Variants in PRKDC observed in about 807,000 individuals in gnomAD.
The protein encoded by PRKDC is protein kinase, DNA-activated, catalytic subunit.
A neutral mutation model predicts 486.9 loss-of-function variants in PRKDC; 82 were observed. That is an observed-to-expected ratio of 0.17 (90% confidence interval 0.14 to 0.20). PRKDC has a LOEUF of 0.20. PRKDC is among the 10% of genes least tolerant of loss of function. PRKDC has a pLI of 1.00. For synonymous variants in PRKDC, 1,895 were observed against 1,837.0 expected, an observed-to-expected ratio of 1.03 and a Z score of -0.81; for missense variants, 4,504 against 5,038.2, an observed-to-expected ratio of 0.89 and a Z score of 3.21.
chr8:47,937,372 A>G (rs1377309520), intron 11 of PRKDC, among the ~76,000 whole-genome samples: 1 of 152,238 alleles, frequency 6.6e-6, no homozygotes, highest in Non-Finnish European at 1.5e-5. Flanking sequence ...GTTGTCAGCT[A>G]TGTTCTAGGC....
At chr8:47,822,769 G>A (rs1036097105) in intron 64 of PRKDC, among the ~76,000 whole-genome samples, 4 of 152,092 alleles carry the variant, frequency 2.6e-5, no homozygotes, top group Non-Finnish European at 5.9e-5. Context: ...CAGCGTGGGC[G>A]ACAGAGTGAG....
chr8:47,782,494 C>G lies in PRKDC; in HGVS notation c.11280G>C (p.Gln3760His). The G allele has an allele frequency of 6.3e-7, 1 of 1,580,478 alleles. No homozygotes were observed. Among genetic ancestry groups the G allele is most frequent in the Non-Finnish European group, 8.6e-7 (1 of 1,163,738 alleles). The change falls in exon 79 of 86, where the codon CAG (glutamine) becomes CAC (histidine). Residue 3760 changes from glutamine (Q) to histidine (H), a missense_variant. Physicochemically the swap from Gln to His is conservative, Grantham distance 24. This residue lies in a region of PRKDC where 706 missense variants were observed against 945.0 expected (regional missense o/e 0.75). Coordinates refer to ENST00000314191, the MANE Select transcript of PRKDC (RefSeq NM_006904.7). This position sits in a 1 kb window ranked among gnomAD's most constrained non-coding sequence, Gnocchi z 4.9. ...GGAAGAGCTGCTCCACGCGCTGGTC[C>G]TGCCGCAGGTCCTCGCCACCCTTCA... ...FLVKGGEDLR[Q>H]DQRVEQLFQV... is the part of the protein sequence containing the mutation.
At chr8:47,893,989 C>G (rs1430433447) in intron 30 of PRKDC, among the ~76,000 whole-genome samples, 3 of 152,124 alleles carry the variant, frequency 2.0e-5, no homozygotes, top group Non-Finnish European at 2.9e-5. Flanking sequence ...GTATTAAAAA[C>G]AGAACATTCA....
chr8:47,839,028 G>A, intron 56 of PRKDC, 120 bp downstream of exon 56: 1 of 723,634 alleles, frequency 1.4e-6, no homozygotes, highest in Non-Finnish European at 2.3e-6. Context: ...GTGAAATGCA[G>A]AAAGCAGAGA....
In PRKDC at chr8:47,830,703, C is replaced by T. The variant is rs765546218; in HGVS notation, c.8299G>A (p.Ala2767Thr). ...IKSELKMKQD[A>T]QVVLYRSYRH... ...TAGCTTCTGTACAGAACGACCTGGG[C>T]ATCCTGCTTCATTTTTAACTCACTC... The change falls in exon 61 of 86, where the codon GCC (alanine) becomes ACC (threonine). Residue 2767 changes from alanine (A) to threonine (T), a missense_variant. Around this residue, in one of 6 missense-constraint regions of PRKDC, gnomAD observed 1,592 missense variants for 1,724.6 expected, o/e 0.92. Transcript: ENST00000314191. The T allele has an allele frequency of 6.2e-7, 1 of 1,613,912 alleles. No homozygotes were observed. The highest frequency in any genetic ancestry group is 1.1e-5 in the South Asian group (1 of 91,080).
At chr8:47,890,813 T>C (rs1301759486) in intron 31 of PRKDC, among the ~76,000 whole-genome samples, 1 of 152,236 alleles carries the variant, frequency 6.6e-6, no homozygotes, top group Admixed American at 6.5e-5. Flanking sequence ...AAAAACTCAT[T>C]ATGCTTTGAT....
At chr8:47,893,092 G>T in intron 31 of PRKDC, 47 bp downstream of exon 31, 1 of 1,511,982 alleles carries the variant, frequency 6.6e-7, no homozygotes, top group South Asian at 1.4e-5. Flanking sequence ...TGCCCAGGGT[G>T]ACTCTGGCAG....
At chr8:47,826,567 C>T in intron 63 of PRKDC, 89 bp downstream of exon 63, 1 of 1,296,292 alleles carries the variant, frequency 7.7e-7, no homozygotes, top group Non-Finnish European at 1.1e-6. Context: ...ACTTTATTAG[C>T]TCATTTTCTG....
At chr8:47,778,896 G>A (rs908461708) in intron 81 of PRKDC, 97 bp from the exon 82 acceptor site, 8 of 1,448,750 alleles carry the variant, frequency 5.5e-6, no homozygotes, top group Middle Eastern at 1.9e-4. Flanking sequence ...CTCAAATATC[G>A]AATAATCTTG....
chr8:47,877,713 G>C lies in PRKDC; in HGVS notation c.5363+11C>G. On this transcript the variant is annotated intron_variant, in intron 40 of 85. Transcript: ENST00000314191. Reference sequence around the variant, plus strand: ...GTATGGTTCCTGAGATCCCAGGCCAGAATGACTTACCTTCTGGCAATCCTC... The same window carrying C: ...GTATGGTTCCTGAGATCCCAGGCCACAATGACTTACCTTCTGGCAATCCTC... 6.4e-7 allele frequency: 1 copy of C among 1,572,598 alleles called. No homozygotes were observed.
At chr8:47,932,930 T>C in intron 16 of PRKDC, 90 bp downstream of exon 16, 1 of 1,207,476 alleles carries the variant, frequency 8.3e-7, no homozygotes, top group Non-Finnish European at 1.1e-6. Context: ...AGTTCTCCTC[T>C]ACAAATGTGC....
chr8:47,946,142 C>T (rs1000928974), intron 7 of PRKDC, among the ~76,000 whole-genome samples: 1 of 151,960 alleles, frequency 6.6e-6, no homozygotes, highest in African/African-American at 2.4e-5. Flanking sequence ...CCAGCCTGGC[C>T]AACACAGTGA....
chr8:47,818,703 A>G (rs539443275), intron 67 of PRKDC, among the ~76,000 whole-genome samples: 2 of 152,332 alleles, frequency 1.3e-5, no homozygotes, highest in South Asian at 4.1e-4. Flanking sequence ...CTTGAAAAAT[A>G]ATTTTCCAAA....
chr8:47,950,930 G>C (rs2090616341), intron 7 of PRKDC, among the ~76,000 whole-genome samples: 2 of 152,126 alleles, frequency 1.3e-5, no homozygotes, highest in African/African-American at 2.4e-5. Flanking sequence ...AGCCATGATT[G>C]CATCTGTGAG....
At chr8:47,863,688 AGTC>A in intron 41 of PRKDC, 111 bp from the exon 42 acceptor site, 1 of 909,498 alleles carries the variant, frequency 1.1e-6, no homozygotes, top group Non-Finnish European at 1.6e-6. Flanking sequence ...GAATTTTAAC[AGTC>A]AAAAATGCTA....
chr8:47,958,492 A>G (rs1054412296), intron 1 of PRKDC, among the ~76,000 whole-genome samples: 1 of 152,180 alleles, frequency 6.6e-6, no homozygotes, highest in Admixed American at 6.5e-5. Context: ...TTGTTACAGC[A>G]GCAATAAGGA....
chr8:47,814,714 G>A (rs998581850), intron 68 of PRKDC, among the ~76,000 whole-genome samples: 1 of 152,022 alleles, frequency 6.6e-6, no homozygotes, highest in African/African-American at 2.4e-5. Flanking sequence ...TAATGAACTC[G>A]ATAACTCTAT....
chr8:47,821,732 CCCAAAAATCCTTCTCGGCTTCT>C lies in PRKDC; in HGVS notation c.8961_8982del (p.Glu2988AsnfsTer25). 6.3e-7 allele frequency: 1 copy of C among 1,598,746 alleles called. No homozygotes were observed. Among genetic ancestry groups the C allele is most frequent in the Non-Finnish European group, 8.5e-7 (1 of 1,172,856 alleles). On this transcript the variant is annotated frameshift_variant, in exon 65 of 86. Transcript: ENST00000314191. LOFTEE classifies it high-confidence loss of function. The stretch of plus-strand genomic sequence containing the variant: ...TTGTAACAGTCAAGGGATGCAAGTT[CCCAAAAATCCTTCTCGGCTTCT>C]GTGGGCTCACCATCTACCCAGTCTT...
chr8:47,843,965 T>G (rs1430257244), intron 54 of PRKDC, among the ~76,000 whole-genome samples: 2 of 152,192 alleles, frequency 1.3e-5, no homozygotes, highest in Non-Finnish European at 2.9e-5. Flanking sequence ...AGCCCACAGA[T>G]ACTATAAAGC....
Sources: allele counts gnomAD v4.1 joint callset (sites outside exome capture counted in the v4.1 genomes callset), GRCh38; gene constraint gnomAD v4.1.1; regional missense constraint gnomAD v4.1.1; non-coding constraint Gnocchi (gnomAD v3.1); transcripts MANE v1.5; gene names NCBI Gene and HGNC (gene_info 2026-07-23, HGNC 2026-07-21).